CALN1: variants seen among roughly 807,000 people sequenced by gnomAD.
The protein encoded by CALN1 is calneuron 1.
Under a neutral mutation model 30.6 loss-of-function variants are expected in CALN1, and 17 were observed. The observed-to-expected ratio is 0.56, with a 90% CI of 0.38 to 0.83. CALN1 has a LOEUF of 0.83. Among genes scored for constraint, CALN1 ranks in the 40% least tolerant of loss-of-function variants. The pLI is 0.00. For synonymous variants in CALN1, 156 were observed against 131.4 expected (o/e 1.19, Z -1.28); for missense variants, 291 against 354.9 (o/e 0.82, Z 1.45).
chr7:72,210,643 AACAGCAG>A (rs1256834678), intron 3 of CALN1, among the ~76,000 whole-genome samples: 2 of 152,184 alleles, frequency 1.3e-5, no homozygotes, highest in African/African-American at 4.8e-5. Flanking sequence ...CACTTAAAAA[AACAGCAG>A]ATCTCATAAG....
At chr7:71,844,817 T>C (rs1790134252) in intron 5 of CALN1, among the ~76,000 whole-genome samples, 1 of 152,192 alleles carries the variant, frequency 6.6e-6, no homozygotes, top group Non-Finnish European at 1.5e-5. Context: ...CTGTAATTTA[T>C]TGGAAACATC....
Position 71,810,395 on chromosome 7 carries a change from A to G in CALN1, c.599T>C (p.Ile200Thr), listed in dbSNP as rs1352259997. 3.1e-6 allele frequency: 5 copies of G among 1,614,126 alleles called. No individual in the cohort carries two copies. In the Admixed American group the frequency reaches 8.3e-5, roughly 27 times the overall value. Residue 200 changes from isoleucine to threonine, a missense_variant, in exon 6 of 7, where the codon ATC becomes ACC. Physicochemically the swap from Ile to Thr is moderately conservative, Grantham distance 89. Transcript: ENST00000395275. ...CTCATTCAGGCTCTCTTCCTCATTG[A>G]TAATGATGTTCTCAATGTCCTTCAT... ...LTMKDIENII[I>T]NEEESLNETS...
chr7:72,035,790 C>T (rs1801756795), intron 4 of CALN1, among the ~76,000 whole-genome samples: 1 of 152,194 alleles, frequency 6.6e-6, no homozygotes, highest in Non-Finnish European at 1.5e-5. Context: ...CCTCTTTATA[C>T]ATTACATGGC....
chr7:72,210,028 A>G (rs484279), intron 3 of CALN1, among the ~76,000 whole-genome samples: 1,546 of 152,282 alleles, frequency 0.01, 23 homozygotes, highest in African/African-American at 0.035. Context: ...CTCGTTTCTG[A>G]CGGTGGTCTC....
At chr7:72,272,608 T>C (rs1421050156) in intron 3 of CALN1, among the ~76,000 whole-genome samples, 1 of 152,068 alleles carries the variant, frequency 6.6e-6, no homozygotes, top group African/African-American at 2.4e-5. Flanking sequence ...TTTTGAGACA[T>C]GCACACATGT....
At chr7:71,827,436 T>G (rs1180196039) in intron 5 of CALN1, among the ~76,000 whole-genome samples, 1 of 151,932 alleles carries the variant, frequency 6.6e-6, no homozygotes, top group African/African-American at 2.4e-5. Flanking sequence ...ATAAACACAG[T>G]GGAGTTCAAA....
intron 1 of CALN1, among the ~76,000 whole-genome samples, chr7:72,434,318 C>T (rs1384520223): frequency 1.4e-5 from 2 of 140,256 alleles, no homozygotes; most frequent in African/African-American, 2.7e-5. Context: ...GCCTGGCCAA[C>T]ATGCTAAAAC....
chr7:72,287,951 A>G (rs1230931477), intron 2 of CALN1, among the ~76,000 whole-genome samples: 1 of 152,164 alleles, frequency 6.6e-6, no homozygotes. Context: ...ATTGCACTCC[A>G]AAGTGATTGG....
intron 1 of CALN1, among the ~76,000 whole-genome samples, chr7:72,426,367 C>T (rs1292775031): frequency 6.6e-6 from 1 of 152,184 alleles, no homozygotes; most frequent in African/African-American, 2.4e-5. Flanking sequence ...GAGTTTCTCC[C>T]ATGCTGTTCT....
chr7:72,395,189 G>T (rs1479488579), intron 2 of CALN1, among the ~76,000 whole-genome samples: 1 of 152,110 alleles, frequency 6.6e-6, no homozygotes, highest in Admixed American at 6.5e-5. Flanking sequence ...CACACCAATG[G>T]CACTTGAATA....
At chr7:72,413,624 ACT>A (rs746886098), upstream of CALN1, among the ~76,000 whole-genome samples, 19 of 151,560 alleles carry the variant, frequency 1.3e-4, no homozygotes, top group African/African-American at 3.1e-4. Context: ...ACATATATAC[ACT>A]CTCACTACAC....
At chr7:72,344,019 A>ATT (rs200042263) in intron 2 of CALN1, among the ~76,000 whole-genome samples, 1 of 151,474 alleles carries the variant, frequency 6.6e-6, no homozygotes, top group East Asian at 1.9e-4. Flanking sequence ...AGAAAGGTCT[A>ATT]TTTTTTTTTA....
intron 6 of CALN1, among the ~76,000 whole-genome samples, chr7:71,806,285 C>T (rs986350340): frequency 3.6e-5 from 5 of 139,880 alleles, no homozygotes; most frequent in African/African-American, 1.3e-4. Flanking sequence ...CACACACACA[C>T]ATGATTATAG....
chr7:72,133,543 G>A (rs556037480), intron 3 of CALN1, among the ~76,000 whole-genome samples: 7 of 152,262 alleles, frequency 4.6e-5, no homozygotes, highest in Admixed American at 3.9e-4. Context: ...AACTGATTCA[G>A]GCAAAAATCA....
chr7:71,932,595 C>CA (rs1435055295), intron 5 of CALN1, among the ~76,000 whole-genome samples: 1 of 151,852 alleles, frequency 6.6e-6, no homozygotes, highest in Admixed American at 6.6e-5. Flanking sequence ...GGGCGGATCA[C>CA]AACGTCAGGA....
At chr7:72,355,830 G>GTT (rs1483406307) in intron 2 of CALN1, among the ~76,000 whole-genome samples, 1 of 152,094 alleles carries the variant, frequency 6.6e-6, no homozygotes, top group East Asian at 1.9e-4. Flanking sequence ...TGAAGGAAAT[G>GTT]TTTATGTCTT....
Position 72,209,421 on chromosome 7 carries a change from T to C in CALN1, c.244+69265A>G, listed in dbSNP as rs2521197. Among the ~76,000 whole-genome samples the C allele has an allele frequency of 4.5e-3, 245 of 54,582 alleles. 6 individuals are homozygous for C. Among genetic ancestry groups the C allele is most frequent in the African/African-American group, 0.027 (168 of 6,288 alleles). 35.8% of individuals were successfully genotyped at this position (54,582 alleles called of 152,430 possible). A position where few individuals can be genotyped will look rare whatever the true frequency, so the allele number is the denominator to read the frequency against. ...CCCTCTTTCCTTCCCTCCTTCCCTC[T>C]TTCCTTCCCTCCTTCCCTCCTTCCT... On this transcript the variant is annotated intron_variant, in intron 3 of 6. Transcript: ENST00000395275.
At chr7:72,254,184 G>C (rs551711771) in intron 3 of CALN1, among the ~76,000 whole-genome samples, 21 of 152,224 alleles carry the variant, frequency 1.4e-4, no homozygotes, top group African/African-American at 4.6e-4. Flanking sequence ...GTGCTGCGCT[G>C]TCTCTCTTGT....
intron 5 of CALN1, among the ~76,000 whole-genome samples, chr7:71,960,313 T>A (rs769849050): frequency 6.6e-6 from 1 of 152,122 alleles, no homozygotes; most frequent in African/African-American, 2.4e-5. Context: ...ATTTTTCAAA[T>A]CTTACTTCCG....
Sources: gnomAD v4.1 joint callset for allele counts (sites outside exome capture counted in the v4.1 genomes callset) on GRCh38, gnomAD v4.1.1 for gene constraint, MANE v1.5 for transcripts, NCBI Gene and HGNC (gene_info 2026-07-23, HGNC 2026-07-21) for gene names.